PRDM16: variants seen among roughly 807,000 people sequenced by gnomAD.
PRDM16 encodes the protein PR/SET domain 16.
Under a neutral mutation model 110.6 loss-of-function variants are expected in PRDM16, and 23 were observed. The ratio of observed to expected loss-of-function variants is 0.21; its 90% CI spans 0.15 to 0.29. The LOEUF (loss-of-function observed/expected upper bound fraction) is 0.29, where lower values mean the gene tolerates loss of function less well. Ranked by LOEUF, PRDM16 falls within the 10% of genes least tolerant of loss-of-function variation. The pLI, the probability that PRDM16 is intolerant of heterozygous loss-of-function variation, is 1.00. For synonymous variants in PRDM16, 799 were observed against 781.8 expected, an observed-to-expected ratio of 1.02 and a Z score of -0.37; for missense variants, 1,615 against 1,794.3, an observed-to-expected ratio of 0.90 and a Z score of 1.81.
chr1:3,429,359 C>G (rs1403273957), intron 14 of PRDM16, among the ~76,000 whole-genome samples: 1 of 152,260 alleles, frequency 6.6e-6, no homozygotes, highest in East Asian at 1.9e-4. Context: ...AGCAAATACT[C>G]TGTGCATGGG....
chr1:3,409,959 TG>T (rs1366412745), intron 8 of PRDM16, among the ~76,000 whole-genome samples: 132 of 90,604 alleles, frequency 1.5e-3, no homozygotes, highest in African/African-American at 5.3e-3. Flanking sequence ...TGTGTGCGTG[TG>T]GGGGGTGTGG....
intron 3 of PRDM16, among the ~76,000 whole-genome samples, chr1:3,250,305 C>T (rs1330391649): frequency 1.3e-5 from 2 of 152,162 alleles, no homozygotes; most frequent in Admixed American, 6.5e-5. Flanking sequence ...CCTCTCGCCA[C>T]CTCGCCACAC....
intron 1 of PRDM16, among the ~76,000 whole-genome samples, chr1:3,128,316 TG>T (rs1189990830): frequency 6.6e-6 from 1 of 152,220 alleles, no homozygotes; most frequent in Non-Finnish European, 1.5e-5. Flanking sequence ...CTAGAAAGTC[TG>T]GGGTCGTCAG....
chr1:3,414,674 C>T lies in PRDM16; in HGVS notation c.2691+27C>T, dbSNP rs945130554. ...TACGTCCTCAGTGCAGGTCAGGGCG[C>T]CCTGTAACCCACACGCCAGTGGCCC... On this transcript the variant is annotated intron_variant, in intron 10 of 16. Transcript: ENST00000270722. 25 of 1,578,192 alleles carry T rather than the reference C, an allele frequency of 1.6e-5. No individual in the cohort carries two copies. In the African/African-American group the frequency reaches 2.7e-4, roughly 17 times the overall value.
intron 3 of PRDM16, among the ~76,000 whole-genome samples, chr1:3,312,741 T>TGGA (rs2100419642): frequency 6.6e-6 from 1 of 152,362 alleles, no homozygotes; most frequent in South Asian, 2.1e-4. Flanking sequence ...CAAGGAGACA[T>TGGA]TTATGTTGGC....
chr1:3,085,970 G>A (rs766096866), intron 1 of PRDM16, among the ~76,000 whole-genome samples: 4 of 152,256 alleles, frequency 2.6e-5, no homozygotes, highest in Non-Finnish European at 5.9e-5. Flanking sequence ...GAGGGACAGG[G>A]GCTGCACCTG....
At chr1:3,410,445 TC>T (rs901362310) in intron 8 of PRDM16, among the ~76,000 whole-genome samples, 2 of 152,156 alleles carry the variant, frequency 1.3e-5, no homozygotes, top group Non-Finnish European at 2.9e-5. Context: ...CAGGGAATAG[TC>T]CCTCTGCATA....
At chr1:3,398,853 C>A (rs1643425038) in intron 5 of PRDM16, among the ~76,000 whole-genome samples, 1 of 152,206 alleles carries the variant, frequency 6.6e-6, no homozygotes, top group Non-Finnish European at 1.5e-5. Flanking sequence ...ATATTTTGTG[C>A]TTTTGTTGGG....
intron 3 of PRDM16, among the ~76,000 whole-genome samples, chr1:3,371,329 A>G (rs559325189): frequency 3.8e-4 from 57 of 150,684 alleles, no homozygotes; most frequent in Middle Eastern, 3.6e-3. Context: ...TGAATCATCC[A>G]TCCATTCATC....
intron 1 of PRDM16, among the ~76,000 whole-genome samples, chr1:3,126,156 T>C (rs1643200544): frequency 6.6e-6 from 1 of 152,208 alleles, no homozygotes; most frequent in Non-Finnish European, 1.5e-5. Flanking sequence ...AAAGGGGCCA[T>C]TGTGGGCCCG....
chr1:3,186,130 G>A lies in PRDM16; in HGVS notation c.43G>A (p.Gly15Ser), dbSNP rs201559520. 20 of 1,612,078 alleles carry A rather than the reference G, an allele frequency of 1.2e-5. No individual in the cohort carries two copies. In the East Asian group the frequency reaches 1.3e-4, roughly 11 times the overall value. The change falls in exon 2 of 17, where the codon GGT (glycine) becomes AGT (serine). Residue 15 changes from glycine to serine, a missense_variant. By Grantham distance (56) the Gly-to-Ser change is moderately conservative. Coordinates refer to ENST00000270722, the MANE Select transcript of PRDM16 (RefSeq NM_022114.4). The part of the protein sequence containing the change: ...ARARKLAKSD[G>S]DVVNNMYEPN... ...CGCTGCGTTGTCTCCTTTAGGTGACGGTGACGTTGTAAATAATATGTATGA... is the reference window on the plus strand; with the variant it reads ...CGCTGCGTTGTCTCCTTTAGGTGACAGTGACGTTGTAAATAATATGTATGA...
At chr1:3,223,055 C>T (rs1639209397) in intron 2 of PRDM16, among the ~76,000 whole-genome samples, 1 of 149,626 alleles carries the variant, frequency 6.7e-6, no homozygotes, top group South Asian at 2.1e-4. Flanking sequence ...TAGAGGTATC[C>T]TTGGAGCAGC....
chr1:3,244,591 G>A lies in PRDM16; in HGVS notation c.438+454G>A, dbSNP rs1390548733. ...TCCAAAGAAGCATCGTTTTAAATAAGCAAAACCACGAGGCGAGAGAAAAAG... is the reference window on the plus strand; with the variant it reads ...TCCAAAGAAGCATCGTTTTAAATAAACAAAACCACGAGGCGAGAGAAAAAG... On this transcript the variant is annotated intron_variant, in intron 3 of 16. Coordinates refer to ENST00000270722, the MANE Select transcript of PRDM16 (RefSeq NM_022114.4). The surrounding 1 kb of genome is among the most constrained non-coding windows in gnomAD (Gnocchi z 4.1). Among the ~76,000 whole-genome samples, 2 of 152,136 alleles carry A rather than the reference G, an allele frequency of 1.3e-5. No individual in the cohort carries two copies. The highest frequency in any genetic ancestry group is 3.9e-4 in the East Asian group (2 of 5,188).
At chr1:3,182,015 T>A (rs1028330647) in intron 1 of PRDM16, among the ~76,000 whole-genome samples, 4 of 152,082 alleles carry the variant, frequency 2.6e-5, no homozygotes, top group Admixed American at 2.0e-4. Context: ...TTACACACAC[T>A]GTCTTACACA....
intron 1 of PRDM16, among the ~76,000 whole-genome samples, chr1:3,114,216 CGA>C (rs58703213): frequency 1.0e-4 from 13 of 126,792 alleles, no homozygotes; most frequent in South Asian, 2.6e-4. Flanking sequence ...CACACGCACA[CGA>C]ACACACACGC....
intron 2 of PRDM16, among the ~76,000 whole-genome samples, chr1:3,228,787 C>G (rs995580578): frequency 1.3e-5 from 2 of 152,180 alleles, no homozygotes; most frequent in African/African-American, 4.8e-5. Context: ...ACCCAGCTTC[C>G]CAGGCCTCCT....
chr1:3,407,494 G>A (rs933646089), intron 8 of PRDM16, among the ~76,000 whole-genome samples: 6 of 152,212 alleles, frequency 3.9e-5, no homozygotes, highest in Non-Finnish European at 5.9e-5. Flanking sequence ...AAGCCAGCAC[G>A]GTGCGAGCTG....
intron 3 of PRDM16, among the ~76,000 whole-genome samples, chr1:3,287,945 G>A (rs1466346443): frequency 1.3e-5 from 2 of 152,256 alleles, no homozygotes; most frequent in African/African-American, 4.8e-5. Context: ...TGGGGCAGCT[G>A]CATGGCCGCA....
At chr1:3,168,342 G>A (rs1202716563) in intron 1 of PRDM16, among the ~76,000 whole-genome samples, 4 of 78,100 alleles carry the variant, frequency 5.1e-5, no homozygotes, top group East Asian at 3.7e-4. Flanking sequence ...CCGTTCCCAT[G>A]CAGCCATCCT....
Sources: allele counts gnomAD v4.1 joint callset (sites outside exome capture counted in the v4.1 genomes callset), GRCh38; gene constraint gnomAD v4.1.1; non-coding constraint Gnocchi (gnomAD v3.1); transcripts MANE v1.5; gene names NCBI Gene and HGNC (gene_info 2026-07-23, HGNC 2026-07-21).